Variants in SNTG1 observed in about 807,000 individuals in gnomAD.
The protein encoded by SNTG1 is gamma-1-syntrophin.
SNTG1 carries 39 observed loss-of-function variants against 74.7 expected under a neutral mutation model. That is an observed-to-expected ratio of 0.52 (90% CI 0.40 to 0.68). SNTG1 has a LOEUF of 0.68. SNTG1 is among the 30% of genes least tolerant of loss of function. SNTG1 has a pLI of 0.00. For synonymous variants in SNTG1, 254 were observed against 217.1 expected, an observed-to-expected ratio of 1.17 and a Z score of -1.49; for missense variants, 685 against 609.5, an observed-to-expected ratio of 1.12 and a Z score of -1.30.
Position 50,309,816 on chromosome 8 carries a change from T to C in SNTG1, c.-27-84396T>C, listed in dbSNP as rs2090037982. On this transcript the variant is annotated intron_variant, in intron 2 of 18. Transcript: ENST00000642720. ...AGACCTTAGAAGCTAAGAATTTTAA[T>C]ACTTAGTATCAAAAAAAACCTTTTT... Among the ~76,000 whole-genome samples the C allele has an allele frequency of 2.0e-5, 3 of 152,340 alleles. No homozygotes were observed. In the South Asian group the frequency reaches 6.2e-4, roughly 32 times the overall value.
intron 9 of SNTG1, among the ~76,000 whole-genome samples, chr8:50,521,939 G>T (rs1422468795): frequency 6.6e-6 from 1 of 151,910 alleles, no homozygotes; most frequent in Non-Finnish European, 1.5e-5. Flanking sequence ...CCATGAGTTG[G>T]CATCAACTTC....
intron 2 of SNTG1, among the ~76,000 whole-genome samples, chr8:50,223,088 T>C (rs1487934507): frequency 1.3e-5 from 2 of 152,076 alleles, no homozygotes; most frequent in Non-Finnish European, 2.9e-5. Context: ...ATTTAAAATT[T>C]TCCAGGACCA....
At chr8:50,527,099 AATT>A (rs1351012716) in intron 9 of SNTG1, among the ~76,000 whole-genome samples, 20 of 152,096 alleles carry the variant, frequency 1.3e-4, no homozygotes, top group African/African-American at 4.6e-4. Context: ...GACTAATAAT[AATT>A]ATCTCCATAT....
At chr8:50,451,066 C>T (rs1000986018) in intron 8 of SNTG1, among the ~76,000 whole-genome samples, 7 of 152,026 alleles carry the variant, frequency 4.6e-5, no homozygotes, top group African/African-American at 1.7e-4. Flanking sequence ...GCTTATAAAC[C>T]ATACATTTAT....
chr8:50,079,983 A>AT (rs1442971038), intron 1 of SNTG1, among the ~76,000 whole-genome samples: 1 of 152,152 alleles, frequency 6.6e-6, no homozygotes, highest in Admixed American at 6.5e-5. Context: ...AGGTAGTGTG[A>AT]TACCTCCAAC....
intron 2 of SNTG1, among the ~76,000 whole-genome samples, chr8:50,297,664 C>A (rs1587003024): frequency 1.3e-5 from 2 of 152,110 alleles, no homozygotes; most frequent in Admixed American, 6.6e-5. Context: ...ACATCCTGGG[C>A]AGAACAGTTG....
intron 17 of SNTG1, among the ~76,000 whole-genome samples, chr8:50,733,164 CA>C (rs1585663383): frequency 6.6e-6 from 1 of 151,904 alleles, no homozygotes; most frequent in Non-Finnish European, 1.5e-5. Flanking sequence ...GCTCTCCTTA[CA>C]AATGAGAACA....
intron 1 of SNTG1, among the ~76,000 whole-genome samples, chr8:50,114,457 T>A (rs913722740): frequency 6.6e-6 from 1 of 152,130 alleles, no homozygotes; most frequent in African/African-American, 2.4e-5. Context: ...TATCACTTAT[T>A]TGAGAAATTT....
Position 50,444,276 on chromosome 8 carries a change from T to C in SNTG1, c.220-5392T>C, listed in dbSNP as rs553433869. On this transcript the variant is annotated intron_variant, in intron 5 of 18. Transcript: ENST00000642720. ...AAATATATATATTAGTTGTAATAAATGTATGCCTTTTAACTTATTAGTGGT... is the reference window on the plus strand; with the variant it reads ...AAATATATATATTAGTTGTAATAAACGTATGCCTTTTAACTTATTAGTGGT... Among the ~76,000 whole-genome samples the C allele has an allele frequency of 3.9e-5, 6 of 152,330 alleles. No homozygotes were observed. In the South Asian group the frequency reaches 1.0e-3, roughly 26 times the overall value.
intron 5 of SNTG1, among the ~76,000 whole-genome samples, chr8:50,449,078 T>A (rs764133228): frequency 6.6e-6 from 1 of 152,220 alleles, no homozygotes; most frequent in Non-Finnish European, 1.5e-5. Flanking sequence ...ATAAAAATAG[T>A]ACTACTTCAA....
intron 17 of SNTG1, among the ~76,000 whole-genome samples, chr8:50,709,494 T>C (rs1317898267): frequency 2.0e-5 from 3 of 152,202 alleles, no homozygotes; most frequent in East Asian, 3.8e-4. Flanking sequence ...ATAAGGATTA[T>C]GCACTATGAG....
At chr8:49,958,686 TGG>T (rs958582724) in intron 1 of SNTG1, among the ~76,000 whole-genome samples, 3 of 152,234 alleles carry the variant, frequency 2.0e-5, no homozygotes, top group African/African-American at 7.2e-5. Context: ...CCCAAAGTGC[TGG>T]GATTACAGGC....
intron 2 of SNTG1, among the ~76,000 whole-genome samples, chr8:50,375,849 T>G (rs2092367065): frequency 6.6e-6 from 1 of 152,168 alleles, no homozygotes; most frequent in African/African-American, 2.4e-5. Flanking sequence ...GGAGTAGCTC[T>G]GCAAGGGGAG....
intron 4 of SNTG1, among the ~76,000 whole-genome samples, chr8:50,409,568 G>A (rs969296642): frequency 3.9e-5 from 6 of 152,170 alleles, no homozygotes; most frequent in African/African-American, 1.4e-4. Context: ...ATGTGTTAAA[G>A]CTTCAGTTAA....
At position 50,754,204 on chromosome 8, in the gene SNTG1, C is replaced by T. The variant is rs574211514; in HGVS notation, c.1395+2093C>T. Among the ~76,000 whole-genome samples the T allele has an allele frequency of 2.6e-5, 4 of 151,968 alleles. No individual in the cohort carries two copies. The South Asian group carries it at 8.3e-4, about 32-fold the overall frequency. On this transcript the variant is annotated intron_variant, in intron 18 of 18. Coordinates refer to ENST00000642720, the MANE Select transcript of SNTG1 (RefSeq NM_018967.5). ...GCTTTTATTTATCTGGGATAAATGCCTAGAAGTGCAAATTGCACCATAGAA... is the reference window on the plus strand; with the variant it reads ...GCTTTTATTTATCTGGGATAAATGCTTAGAAGTGCAAATTGCACCATAGAA...
At chr8:50,367,601 T>C (rs2092151284) in intron 2 of SNTG1, among the ~76,000 whole-genome samples, 2 of 152,200 alleles carry the variant, frequency 1.3e-5, no homozygotes, top group East Asian at 1.9e-4. Context: ...CTGATTATAC[T>C]AATGTAGAAT....
At position 49,993,792 on chromosome 8, in the gene SNTG1, T is replaced by C. The variant is rs149392470; in HGVS notation, c.-103+81561T>C. ...ATGTGTATATGTGCCACATTTTCTT[T>C]ATGCAGTCTATCATTGATGGGATTT... On this transcript the variant is annotated intron_variant, in intron 1 of 18. Transcript: ENST00000642720. Among the ~76,000 whole-genome samples the C allele has an allele frequency of 6.2e-4, 94 of 152,330 alleles. No homozygotes were observed. The East Asian group carries it at 0.016, about 26-fold the overall frequency.
chr8:50,305,379 A>AT (rs755088437), intron 2 of SNTG1, among the ~76,000 whole-genome samples: 63 of 151,824 alleles, frequency 4.1e-4, no homozygotes, highest in Admixed American at 2.1e-3. Flanking sequence ...AAAGTCTGGT[A>AT]TTTTTTACTA....
chr8:50,475,215 C>G (rs2093687392), intron 8 of SNTG1, among the ~76,000 whole-genome samples: 1 of 147,450 alleles, frequency 6.8e-6, no homozygotes, highest in South Asian at 2.1e-4. Context: ...TACCCTAAAA[C>G]TTAAAGTATA....
Sources: gnomAD v4.1 joint callset for allele counts (sites outside exome capture counted in the v4.1 genomes callset) on GRCh38, gnomAD v4.1.1 for gene constraint, MANE v1.5 for transcripts, NCBI Gene and HGNC (gene_info 2026-07-23, HGNC 2026-07-21) for gene names.